FHAD1: variants seen among roughly 807,000 people sequenced by gnomAD.
FHAD1 encodes the protein forkhead associated phosphopeptide binding domain 1.
In FHAD1, 146 loss-of-function variants were observed where a neutral mutation model predicts 191.3. That is an observed-to-expected ratio of 0.76 (90% confidence interval 0.67 to 0.88). The LOEUF is 0.88. FHAD1 is among the 40% of genes least tolerant of loss of function. The pLI is 0.00. For synonymous variants in FHAD1, 616 were observed against 672.3 expected, an observed-to-expected ratio of 0.92 and a Z score of 1.29; for missense variants, 1,635 against 1,785.8, an observed-to-expected ratio of 0.92 and a Z score of 1.52.
At chr1:15,374,862 TTG>T (rs1370656452) in intron 27 of FHAD1, among the ~76,000 whole-genome samples, 7,324 of 135,772 alleles carry the variant, frequency 0.054, 278 homozygotes, top group African/African-American at 0.13. Context: ...TTTTTTTTGT[TTG>T]TTTTTTTTTT....
chr1:15,289,991 T>A lies in FHAD1; in HGVS notation c.568+325T>A, dbSNP rs1440740506. Reference sequence around the variant, plus strand: ...GTCATGGGATCACGTCAACACACTTTGACTCAGTTGTGCAAAAATATTAGT... The same window carrying A: ...GTCATGGGATCACGTCAACACACTTAGACTCAGTTGTGCAAAAATATTAGT... On this transcript the variant is annotated intron_variant, in intron 4 of 33. Coordinates refer to ENST00000688493, the MANE Select transcript of FHAD1 (RefSeq NM_001391957.1). The surrounding 1 kb of genome is among the most constrained non-coding windows in gnomAD (Gnocchi z 4.2). 6.6e-6 allele frequency among the ~76,000 whole-genome samples: 1 copy of A among 152,180 alleles called. No homozygotes were observed. Among genetic ancestry groups the A allele is most frequent in the African/African-American group, 2.4e-5 (1 of 41,446 alleles).
chr1:15,237,145 G>A (rs1644874348), intron 1 of FHAD1, among the ~76,000 whole-genome samples: 1 of 152,100 alleles, frequency 6.6e-6, no homozygotes, highest in Non-Finnish European at 1.5e-5. Context: ...CCAGTCTCAG[G>A]CAGCTCTTTA....
chr1:15,314,852 G>T (rs1456662786), intron 8 of FHAD1, among the ~76,000 whole-genome samples: 10 of 138,636 alleles, frequency 7.2e-5, no homozygotes, highest in African/African-American at 2.7e-4. Context: ...GTGAGGGGGC[G>T]TGTGGATGTG....
chr1:15,238,269 A>AAAG (rs1645002379), intron 1 of FHAD1, among the ~76,000 whole-genome samples: 4 of 149,904 alleles, frequency 2.7e-5, no homozygotes, highest in Non-Finnish European at 5.9e-5. Context: ...AAAAAAAAAA[A>AAAG]GGAGCACTGT....
At chr1:15,249,662 T>G (rs1370489191) in intron 1 of FHAD1, among the ~76,000 whole-genome samples, 1 of 152,126 alleles carries the variant, frequency 6.6e-6, no homozygotes, top group Non-Finnish European at 1.5e-5. Flanking sequence ...GGGTCTTTTC[T>G]TTTTTTGCAG....
intron 3 of FHAD1, among the ~76,000 whole-genome samples, chr1:15,288,864 G>A (rs2100532520): frequency 6.6e-6 from 1 of 152,312 alleles, no homozygotes; most frequent in African/African-American, 2.4e-5. Flanking sequence ...AAGATGCCTG[G>A]GTAAAGCATG....
At chr1:15,236,910 C>A (rs186350984) in intron 1 of FHAD1, among the ~76,000 whole-genome samples, 24 of 152,320 alleles carry the variant, frequency 1.6e-4, no homozygotes, top group Middle Eastern at 3.4e-3. Flanking sequence ...GTAATTGAGT[C>A]ATGAGGGCGG....
Position 15,301,374 on chromosome 1 carries a change from A to G in FHAD1, c.848A>G (p.Gln283Arg), listed in dbSNP as rs986204492. The G allele has an allele frequency of 1.3e-6, 2 of 1,551,794 alleles. No homozygotes were observed. Among genetic ancestry groups the G allele is most frequent in the South Asian group, 1.2e-5 (1 of 84,062 alleles). ...TSRQNEKEIS[Q>R]KCQVLDEDID... ...AGGCAGAATGAGAAGGAGATCTCGC[A>G]GAAGTGTCAGGTTCTGGATGAAGAC... The change falls in exon 6 of 34, where the codon CAG becomes CGG. Residue 283 changes from glutamine (Q) to arginine (R), a missense_variant. Coordinates refer to ENST00000688493, the MANE Select transcript of FHAD1 (RefSeq NM_001391957.1).
rs1210251526 is a variant in FHAD1 at position 15,311,499 on chromosome 1, C to A, written c.1040-1558C>A. ...TAGAGAAAAGGTCACTCTGGTCCCG[C>A]CTCACAAAGCATGCAGGCAAGCCCC... is the stretch of plus-strand genomic sequence containing the variant. On this transcript the variant is annotated intron_variant, in intron 7 of 33. Coordinates refer to ENST00000688493, the MANE Select transcript of FHAD1 (RefSeq NM_001391957.1). The surrounding 1 kb of genome is among the most constrained non-coding windows in gnomAD (Gnocchi z 4.1). Among the ~76,000 whole-genome samples, 5 of 152,194 alleles carry A rather than the reference C, an allele frequency of 3.3e-5. No homozygotes were observed. Among genetic ancestry groups the A allele is most frequent in the Non-Finnish European group, 5.9e-5 (4 of 68,040 alleles).
At chr1:15,380,265 A>G (rs372689971) in intron 28 of FHAD1, among the ~76,000 whole-genome samples, 27 of 152,066 alleles carry the variant, frequency 1.8e-4, no homozygotes, top group South Asian at 1.0e-3. Flanking sequence ...GGGCCCCACA[A>G]TCTGGCGTGG....
chr1:15,401,549 C>T (rs1214310891), downstream of FHAD1, among the ~76,000 whole-genome samples: 1 of 152,172 alleles, frequency 6.6e-6, no homozygotes, highest in Non-Finnish European at 1.5e-5. Context: ...AGATAAGGTG[C>T]CCTTCTCTTG....
intron 27 of FHAD1, 120 bp from the exon 28 acceptor site, chr1:15,375,483 G>A (rs1024996714): frequency 1.1e-5 from 10 of 940,122 alleles, no homozygotes; most frequent in African/African-American, 3.4e-5. Context: ...CATCTGCCAC[G>A]GGAGGTCGTA....
chr1:15,321,312 A>G lies in FHAD1; in HGVS notation c.1366-3140A>G, dbSNP rs1005891739. Among the ~76,000 whole-genome samples, 3 of 152,228 alleles carry G rather than the reference A, an allele frequency of 2.0e-5. No individual in the cohort carries two copies. The South Asian group carries it at 6.2e-4, about 31-fold the overall frequency. On this transcript the variant is annotated intron_variant, in intron 10 of 33. Coordinates refer to ENST00000688493, the MANE Select transcript of FHAD1 (RefSeq NM_001391957.1). ...CTCTTTTACTTTTCTTTTAGTAATCATAAGACAATAGCACGCATTCGTGAC... is the reference window on the plus strand; with the variant it reads ...CTCTTTTACTTTTCTTTTAGTAATCGTAAGACAATAGCACGCATTCGTGAC...
Position 15,349,139 on chromosome 1 carries a change from A to G in FHAD1, c.2444A>G (p.Gln815Arg). The stretch of plus-strand genomic sequence containing the variant: ...CAGGATCTGGAGAACCATTTAACCC[A>G]ACAGAAGGAGGTATGAGCAGCAGCA... Reference protein sequence around the residue: ...KVQDLENHLTQQKEISESNIA... With the variant: ...KVQDLENHLTRQKEISESNIA... The change falls in exon 19 of 34, where the codon CAA becomes CGA. Residue 815 changes from glutamine (Q) to arginine (R), a missense_variant. Transcript: ENST00000688493. The G allele has an allele frequency of 6.5e-7, 1 of 1,550,218 alleles. No homozygotes were observed. Among genetic ancestry groups the G allele is most frequent in the Non-Finnish European group, 8.7e-7 (1 of 1,145,726 alleles).
intron 18 of FHAD1, among the ~76,000 whole-genome samples, chr1:15,346,952 T>A (rs748661312): frequency 2.6e-5 from 4 of 152,218 alleles, no homozygotes; most frequent in Non-Finnish European, 4.4e-5. Context: ...CACTTGTGCC[T>A]CTTCTTCTGT....
rs537831316 is a variant in FHAD1, at chr1:15,263,582, C to T, written c.94-8741C>T. Among the ~76,000 whole-genome samples, 8 of 135,792 alleles carry T rather than the reference C, an allele frequency of 5.9e-5. No individual in the cohort carries two copies. In the East Asian group the frequency reaches 6.3e-4, roughly 11 times the overall value. 89.1% of individuals were successfully genotyped at this position (135,792 alleles called of 152,430 possible). On this transcript the variant is annotated intron_variant, in intron 2 of 33. Coordinates refer to ENST00000688493, the MANE Select transcript of FHAD1 (RefSeq NM_001391957.1). ...TGTCGCCCAGGCTGGAGTGCAGTGG[C>T]GCAATCTCGGCTCACTGCAAGCTCC...
At chr1:15,248,831 G>A (rs1235102266) in intron 1 of FHAD1, among the ~76,000 whole-genome samples, 3 of 152,178 alleles carry the variant, frequency 2.0e-5, no homozygotes, top group East Asian at 3.9e-4. Context: ...CAGGTGATCC[G>A]TCCACCTGGG....
intron 33 of FHAD1, among the ~76,000 whole-genome samples, chr1:15,397,059 C>T (rs1268747752): frequency 1.3e-4 from 19 of 147,334 alleles, no homozygotes; most frequent in South Asian, 6.4e-4. Flanking sequence ...GGCGTGGTGG[C>T]GGGCGCCTGT....
chr1:15,380,332 C>T (rs1464827751), intron 28 of FHAD1, among the ~76,000 whole-genome samples: 1 of 152,152 alleles, frequency 6.6e-6, no homozygotes, highest in Admixed American at 6.5e-5. Context: ...CCCCTAGATG[C>T]TAGTAGCACT....
Sources: gnomAD v4.1 joint callset for allele counts (sites outside exome capture counted in the v4.1 genomes callset) on GRCh38, gnomAD v4.1.1 for gene constraint, Gnocchi (gnomAD v3.1) non-coding constraint, MANE v1.5 for transcripts, NCBI Gene and HGNC (gene_info 2026-07-23, HGNC 2026-07-21) for gene names.